NSMCE2: variants seen among roughly 807,000 people sequenced by gnomAD.
The protein encoded by NSMCE2 is NSE2 SUMO ligase component of SMC5/6 complex.
NSMCE2 carries 24 observed loss-of-function variants against 23.8 expected under a neutral mutation model. That is an observed-to-expected ratio of 1.01 (90% CI 0.73 to 1.42). The LOEUF (loss-of-function observed/expected upper bound fraction) is 1.42, where lower values mean the gene tolerates loss of function less well. Ranked by LOEUF, NSMCE2 falls within the 40% of genes most tolerant of loss-of-function variation. The pLI is 0.00. For synonymous variants in NSMCE2, 92 were observed against 94.1 expected (o/e 0.98, Z 0.13); for missense variants, 284 against 296.5 (o/e 0.96, Z 0.31).
At chr8:125,303,703 A>G (rs187533584) in intron 5 of NSMCE2, among the ~76,000 whole-genome samples, 3 of 152,316 alleles carry the variant, frequency 2.0e-5, no homozygotes, top group Admixed American at 6.5e-5. Flanking sequence ...AATGGAGAGT[A>G]AAACAGAGAG....
intron 3 of NSMCE2, among the ~76,000 whole-genome samples, chr8:125,115,165 T>A (rs1359670210): frequency 2.6e-5 from 4 of 152,106 alleles, no homozygotes; most frequent in African/African-American, 4.8e-5. Context: ...AATTTGGGTG[T>A]TGGATTGTAG....
intron 5 of NSMCE2, among the ~76,000 whole-genome samples, chr8:125,207,153 GTT>G (rs368008511): frequency 6.8e-6 from 1 of 147,260 alleles, no homozygotes; most frequent in Non-Finnish European, 1.5e-5. Flanking sequence ...GAATTCACCA[GTT>G]TTTTTTTTTC....
At chr8:125,187,937 TA>T (rs1391438998) in intron 5 of NSMCE2, among the ~76,000 whole-genome samples, 2 of 152,190 alleles carry the variant, frequency 1.3e-5, no homozygotes, top group Non-Finnish European at 2.9e-5. Context: ...TTAGACAGTA[TA>T]TTTAGGTCAC....
At position 125,357,280 on chromosome 8, in the gene NSMCE2, G is replaced by T; in HGVS notation, c.480G>T (p.Val160=). The T allele has an allele frequency of 6.2e-7, 1 of 1,613,706 alleles. No individual in the cohort carries two copies. The change falls in exon 6 of 8, where the codon GTG becomes GTT. Residue 160 remains valine (V), a synonymous_variant. Coordinates refer to ENST00000287437, the MANE Select transcript of NSMCE2 (RefSeq NM_173685.4). Reference sequence around the variant, plus strand: ...AAGGAGTGGATGAAGATATAATTGTGACCCAAAGTCAGACCAACTTCACCT... The same window carrying T: ...AAGGAGTGGATGAAGATATAATTGTTACCCAAAGTCAGACCAACTTCACCT... ...GTEGVDEDII[V]TQSQTNFTCP...
At chr8:125,331,641 C>G (rs10108110) in intron 5 of NSMCE2, among the ~76,000 whole-genome samples, 119,380 of 152,014 alleles carry the variant, frequency 0.79, 47,000 homozygotes, top group Admixed American at 0.84. Flanking sequence ...TTCTCTTAAT[C>G]CTTCAGAATA....
At chr8:125,247,709 A>G (rs1826047767) in intron 5 of NSMCE2, among the ~76,000 whole-genome samples, 2 of 150,248 alleles carry the variant, frequency 1.3e-5, no homozygotes, top group Admixed American at 1.3e-4. Flanking sequence ...GGACAACAAG[A>G]GCAAAATTCT....
intron 4 of NSMCE2, among the ~76,000 whole-genome samples, chr8:125,156,921 T>C (rs1256117394): frequency 1.3e-5 from 2 of 152,204 alleles, no homozygotes; most frequent in African/African-American, 4.8e-5. Context: ...CATGAAATTC[T>C]ATAGGGTATC....
intron 5 of NSMCE2, among the ~76,000 whole-genome samples, chr8:125,279,445 A>T (rs1827609321): frequency 6.6e-6 from 1 of 152,190 alleles, no homozygotes; most frequent in Non-Finnish European, 1.5e-5. Flanking sequence ...ATAATGGGGT[A>T]TGTTACAATA....
rs554043496 is a variant in NSMCE2, at chr8:125,355,737, A to G, written c.419-1482A>G. On this transcript the variant is annotated intron_variant, in intron 5 of 7. Coordinates refer to ENST00000287437, the MANE Select transcript of NSMCE2 (RefSeq NM_173685.4). ...AAAAAAAAAAAGCTATTGATCTTTA[A>G]CTTCTGTGCAAAATTACAAGTATCT... Among the ~76,000 whole-genome samples, 124 of 151,632 alleles carry G rather than the reference A, an allele frequency of 8.2e-4. 1 individual carries two copies. Among genetic ancestry groups the G allele is most frequent in the African/African-American group, 2.8e-3 (115 of 41,340 alleles).
chr8:125,113,854 C>G (rs1211449879), intron 3 of NSMCE2, among the ~76,000 whole-genome samples: 1 of 152,090 alleles, frequency 6.6e-6, no homozygotes, highest in Non-Finnish European at 1.5e-5. Context: ...GGACTGGGAG[C>G]TTTTCAGAAT....
At chr8:125,226,367 G>A (rs1235700671) in intron 5 of NSMCE2, among the ~76,000 whole-genome samples, 1 of 152,170 alleles carries the variant, frequency 6.6e-6, no homozygotes, top group African/African-American at 2.4e-5. Flanking sequence ...TGGGACATTC[G>A]CGTGGGTCGT....
intron 5 of NSMCE2, among the ~76,000 whole-genome samples, chr8:125,351,671 T>G (rs1356679741): frequency 1.3e-5 from 2 of 152,224 alleles, no homozygotes; most frequent in African/African-American, 4.8e-5. Context: ...CAATTGTTGC[T>G]TTATTATAAA....
At chr8:125,295,141 T>TA (rs1828272020) in intron 5 of NSMCE2, among the ~76,000 whole-genome samples, 1 of 152,236 alleles carries the variant, frequency 6.6e-6, no homozygotes, top group Middle Eastern at 3.2e-3. Flanking sequence ...TTTGCCTCTG[T>TA]ATCCCTTGTT....
intron 5 of NSMCE2, among the ~76,000 whole-genome samples, chr8:125,317,196 A>ATCTTTTTT (rs1238251673): frequency 2.1e-3 from 320 of 150,668 alleles, no homozygotes; most frequent in African/African-American, 7.7e-3. Context: ...TTTCCTAAAG[A>ATCTTTTTT]TCTTTTTTTT....
chr8:125,211,998 A>T (rs190810440), intron 5 of NSMCE2, among the ~76,000 whole-genome samples: 1 of 152,322 alleles, frequency 6.6e-6, no homozygotes, highest in African/African-American at 2.4e-5. Context: ...CTTACATGTC[A>T]TAGTGCTCTG....
At chr8:125,116,886 T>C (rs1187650730) in intron 3 of NSMCE2, among the ~76,000 whole-genome samples, 2 of 96,404 alleles carry the variant, frequency 2.1e-5, no homozygotes, top group Non-Finnish European at 4.2e-5. Context: ...AGCATATAAC[T>C]TTTTTTTTTT....
intron 5 of NSMCE2, among the ~76,000 whole-genome samples, chr8:125,319,059 A>C (rs971978301): frequency 1.3e-5 from 2 of 152,186 alleles, no homozygotes; most frequent in Admixed American, 6.5e-5. Context: ...TGGAACTCAC[A>C]CAGGGATGAG....
intron 3 of NSMCE2, among the ~76,000 whole-genome samples, chr8:125,117,291 G>A (rs1182178891): frequency 2.0e-5 from 3 of 151,598 alleles, no homozygotes; most frequent in African/African-American, 4.9e-5. Context: ...GCATGATCTC[G>A]GCTCACTGCA....
intron 5 of NSMCE2, among the ~76,000 whole-genome samples, chr8:125,233,051 T>C (rs1185141154): frequency 6.6e-6 from 1 of 152,228 alleles, no homozygotes; most frequent in East Asian, 1.9e-4. Flanking sequence ...TCTACAGGGA[T>C]GTGACCTTAC....
Sources: gnomAD v4.1 joint callset for allele counts (sites outside exome capture counted in the v4.1 genomes callset) on GRCh38, gnomAD v4.1.1 for gene constraint, MANE v1.5 for transcripts, NCBI Gene and HGNC (gene_info 2026-07-23, HGNC 2026-07-21) for gene names.